CTSB: variants seen among roughly 807,000 people sequenced by gnomAD.
CTSB encodes the protein cathepsin B, also known as APP secretase.
Under a neutral mutation model 44.3 loss-of-function variants are expected in CTSB, and 57 were observed. The ratio of observed to expected loss-of-function variants is 1.29; its 90% CI spans 1.04 to 1.60. The LOEUF (loss-of-function observed/expected upper bound fraction) is 1.60. Among genes scored for constraint, CTSB ranks in the 40% most tolerant of loss-of-function variants. CTSB has a pLI of 0.00. For missense variants in CTSB, 768 were observed against 443.0 expected, an observed-to-expected ratio of 1.73 and a Z score of -6.59; for synonymous variants, 320 against 168.0, an observed-to-expected ratio of 1.91 and a Z score of -7.00.
At chr8:11,863,900 G>C (rs905220971) in intron 1 of CTSB, among the ~76,000 whole-genome samples, 1 of 152,166 alleles carries the variant, frequency 6.6e-6, no homozygotes, top group African/African-American at 2.4e-5. Flanking sequence ...CACACCTCAT[G>C]ACCCAGAAAC....
chr8:11,847,549 C>G, intron 7 of CTSB, 130 bp downstream of exon 7: 1 of 1,013,668 alleles, frequency 9.9e-7, no homozygotes, highest in Non-Finnish European at 1.4e-6. Context: ...GGGCATCACT[C>G]CCCCTCCTCT....
intron 1 of CTSB, among the ~76,000 whole-genome samples, chr8:11,862,982 C>T (rs1000104175): frequency 5.3e-5 from 8 of 152,136 alleles, no homozygotes; most frequent in African/African-American, 1.9e-4. Flanking sequence ...TCAAGACTGC[C>T]AGCCACACAT....
intron 1 of CTSB, among the ~76,000 whole-genome samples, chr8:11,857,352 G>A (rs1387279993): frequency 1.3e-5 from 2 of 151,970 alleles, no homozygotes; most frequent in Non-Finnish European, 2.9e-5. Flanking sequence ...CCCCTTTTCC[G>A]TGACTCGTGG....
chr8:11,851,332 G>A (rs1262734250), intron 3 of CTSB, among the ~76,000 whole-genome samples: 1 of 151,980 alleles, frequency 6.6e-6, no homozygotes, highest in Non-Finnish European at 1.5e-5. Context: ...TGGGATTACA[G>A]GCATGCACCA....
rs763522789 is a variant in CTSB at position 11,849,141 on chromosome 8, G to C, written c.351C>G (p.Ile117Met). The C allele has an allele frequency of 4.5e-5, 72 of 1,612,856 alleles. No individual in the cohort carries two copies. Among genetic ancestry groups the C allele is most frequent in the Non-Finnish European group, 6.0e-5 (71 of 1,179,814 alleles). Residue 117 changes from isoleucine (I) to methionine (M), a missense_variant, in exon 5 of 10, where the codon ATC becomes ATG. By Grantham distance (10) the Ile-to-Met change is conservative. Transcript: ENST00000353047. ...SCWAFGAVEA[I>M]SDRICIHTNA... The stretch of plus-strand genomic sequence containing the variant: ...TGGTGTGGATGCAGATCCGGTCAGA[G>C]ATGGCTTCCACAGCCCCGAAGGCCT...
chr8:11,847,075 G>A lies in CTSB; in HGVS notation c.770C>T (p.Ser257Leu), dbSNP rs147604039. 201 of 1,595,796 alleles carry A rather than the reference G, an allele frequency of 1.3e-4. No homozygotes were observed. Among genetic ancestry groups the A allele is most frequent in the South Asian group, 3.1e-4 (28 of 90,766 alleles). The change falls in exon 8 of 10, where the codon TCG (serine) becomes TTG (leucine). Residue 257 changes from serine to leucine, a missense_variant. Ser to Leu is a moderately radical substitution (Grantham distance 145). Transcript: ENST00000353047. ...GPVEGAFSVY[S>L]DFLLYKSGVY... ...ACCTGACTTGTAGAGCAGGAAGTCC[G>A]AATACACAGAGAAAGCTCCCTCCAC...
intron 1 of CTSB, among the ~76,000 whole-genome samples, chr8:11,855,610 T>G (rs1033989138): frequency 6.6e-6 from 1 of 152,202 alleles, no homozygotes; most frequent in Non-Finnish European, 1.5e-5. Context: ...AAACAAAAAC[T>G]GACGAAACAA....
intron 1 of CTSB, 157 bp from the exon 2 acceptor site, chr8:11,853,636 CCCCCCTGCCCGA>C: frequency 1.4e-6 from 1 of 700,468 alleles, no homozygotes; most frequent in Non-Finnish European, 2.2e-6. Context: ...GGGATCCCCG[CCCCCCTGCCCGA>C]AGCACGCCAT....
At chr8:11,859,134 T>TA (rs903014396) in intron 1 of CTSB, among the ~76,000 whole-genome samples, 18 of 151,830 alleles carry the variant, frequency 1.2e-4, no homozygotes, top group African/African-American at 2.2e-4. Flanking sequence ...ATCTTTGGGT[T>TA]AAAAAAAACA....
At position 11,853,526 on chromosome 8, in the gene CTSB, G is replaced by C. The variant is rs375617937; in HGVS notation, c.-25-47C>G. 1.5e-4 allele frequency: 235 copies of C among 1,546,210 alleles called. 1 individual carries two copies. The South Asian group carries it at 2.6e-3, about 17-fold the overall frequency. ...AGGACACCTCTCTGTTATGTGGGTCGAGGGCTCACACACACAGGGGCACCG... is the reference window on the plus strand; with the variant it reads ...AGGACACCTCTCTGTTATGTGGGTCCAGGGCTCACACACACAGGGGCACCG... On this transcript the variant is annotated intron_variant, in intron 1 of 9. Transcript: ENST00000353047.
intron 2 of CTSB, among the ~76,000 whole-genome samples, chr8:11,852,990 A>G (rs1164891991): frequency 6.6e-6 from 1 of 152,108 alleles, no homozygotes; most frequent in Non-Finnish European, 1.5e-5. Flanking sequence ...AAAGGGAATC[A>G]GGGGCGGGAC....
chr8:11,858,746 T>A (rs922108764), intron 1 of CTSB, among the ~76,000 whole-genome samples: 6 of 152,146 alleles, frequency 3.9e-5, no homozygotes, highest in Non-Finnish European at 8.8e-5. Context: ...AACAGGCGCC[T>A]TTCTCTCCAC....
chr8:11,844,822 TG>T lies in CTSB; in HGVS notation c.*302del. On this transcript the variant is annotated 3_prime_UTR_variant, in exon 10 of 10. Transcript: ENST00000353047. ...ATTCCTGCGTCTCTGTCTTGCTCCCTGGAGATGGATGGATCACGGAGGGGGC... is the reference window on the plus strand; with the variant it reads ...ATTCCTGCGTCTCTGTCTTGCTCCCTGAGATGGATGGATCACGGAGGGGGC... 1 of 345,372 alleles carries T rather than the reference TG, an allele frequency of 2.9e-6. No individual in the cohort carries two copies. Among genetic ancestry groups the T allele is most frequent in the South Asian group, 6.0e-5 (1 of 16,702 alleles). The allele number at this position is 345,372 out of a possible 1,614,324, so 21.4% of individuals were successfully genotyped here.
rs908301346 is a variant in CTSB, at chr8:11,844,584, C to T, written c.*541G>A. On this transcript the variant is annotated 3_prime_UTR_variant, in exon 10 of 10. Coordinates refer to ENST00000353047, the MANE Select transcript of CTSB (RefSeq NM_001908.5). The stretch of plus-strand genomic sequence containing the variant: ...TAGCAGAGTGCACGAAAAAATAAAA[C>T]TTCTATTAAAGAATCATGCTGAGCA... 3 of 152,694 alleles carry T rather than the reference C, an allele frequency of 2.0e-5. No homozygotes were observed. The highest frequency in any genetic ancestry group is 2.0e-4 in the Admixed American group (3 of 15,364). 9.5% of individuals were successfully genotyped at this position (152,694 alleles called of 1,614,324 possible). A position where few individuals can be genotyped will look rare whatever the true frequency, so the allele number is the denominator to read the frequency against.
chr8:11,850,956 C>G lies in CTSB; in HGVS notation c.237G>C (p.Lys79Asn). 2 of 1,613,146 alleles carry G rather than the reference C, an allele frequency of 1.2e-6. No individual in the cohort carries two copies. The highest frequency in any genetic ancestry group is 1.7e-6 in the Non-Finnish European group (2 of 1,179,384). The change falls in exon 4 of 10, where the codon AAG (lysine) becomes AAC (asparagine). Residue 79 changes from lysine (K) to asparagine (N), a missense_variant. By Grantham distance (94) the Lys-to-Asn change is moderately conservative (BLOSUM62 0). Transcript: ENST00000353047. ...PQRVMFTEDL[K>N]LPASFDAREQ... is the part of the protein sequence containing the mutation. ...CCCGTGCATCGAAGCTTGCAGGCAG[C>G]TTCAGGTCCTCGGTAAACATAACTC...
At chr8:11,852,509 G>C in intron 3 of CTSB, 101 bp downstream of exon 3, 3 of 816,016 alleles carry the variant, frequency 3.7e-6, no homozygotes, top group South Asian at 3.5e-5. Flanking sequence ...GGCAGCATGA[G>C]CCCTGCGGAC....
intron 1 of CTSB, among the ~76,000 whole-genome samples, chr8:11,857,443 G>A (rs548181552): frequency 1.3e-5 from 2 of 152,336 alleles, no homozygotes; most frequent in African/African-American, 4.8e-5. Context: ...CTCGTGGGCA[G>A]ACAGCAGTGT....
intron 2 of CTSB, among the ~76,000 whole-genome samples, chr8:11,853,062 G>A (rs928007495): frequency 5.3e-5 from 8 of 152,084 alleles, no homozygotes; most frequent in African/African-American, 1.7e-4. Context: ...GAACACTTCC[G>A]AAGCTCACTT....
Position 11,845,157 on chromosome 8 carries a change from G to C in CTSB, c.988C>G (p.Pro330Ala). Residue 330 changes from proline to alanine, a missense_variant, in exon 10 of 10, where the codon CCA becomes GCA. By Grantham distance (27) the Pro-to-Ala change is conservative. Coordinates refer to ENST00000353047, the MANE Select transcript of CTSB (RefSeq NM_001908.5). Reference sequence around the variant, plus strand: ...TTTTCCCAGTACTGATCGGTGCGTGGAATTCCAGCCACCACTTCTGATTCG... The same window carrying C: ...TTTTCCCAGTACTGATCGGTGCGTGCAATTCCAGCCACCACTTCTGATTCG... ...GIESEVVAGI[P>A]RTDQYWEKI The C allele has an allele frequency of 6.2e-7, 1 of 1,613,968 alleles. No homozygotes were observed. The highest frequency in any genetic ancestry group is 8.5e-7 in the Non-Finnish European group (1 of 1,179,808).
Sources: gnomAD v4.1 joint callset for allele counts (sites outside exome capture counted in the v4.1 genomes callset) on GRCh38, gnomAD v4.1.1 for gene constraint, MANE v1.5 for transcripts, NCBI Gene and HGNC (gene_info 2026-07-23, HGNC 2026-07-21) for gene names.